Variants in UBAP2 observed in about 807,000 individuals in gnomAD.
UBAP2 encodes the protein ubiquitin associated protein 2, also known as ubiquitin-associated protein 2.
Under a neutral mutation model 139.6 loss-of-function variants are expected in UBAP2, and 75 were observed. The ratio of observed to expected loss-of-function variants is 0.54; its 90% CI spans 0.45 to 0.65. The LOEUF is 0.65. UBAP2 is among the 30% of genes least tolerant of loss of function. The probability of loss-of-function intolerance (pLI) is 0.00; values close to 1 mark genes in which losing one functional copy is unlikely to be tolerated. For synonymous variants in UBAP2, 526 were observed against 526.2 expected (o/e 1.00, Z 0.01); for missense variants, 1,368 against 1,369.6 (o/e 1.00, Z 0.02).
Position 33,941,799 on chromosome 9 carries a change from G to A in UBAP2, c.1779C>T (p.Ser593=), listed in dbSNP as rs577619019. 1.5e-5 allele frequency: 24 copies of A among 1,613,862 alleles called. No homozygotes were observed. Among genetic ancestry groups the A allele is most frequent in the Admixed American group, 8.3e-5 (5 of 59,978 alleles). Residue 593 remains serine, a synonymous_variant, in exon 16 of 29, where the codon TCC becomes TCT. Transcript: ENST00000379238. ...SAVQNSTYTT[S]VITSCSLTSS... ...TTGTCAGACTGCAGGAGGTAATGAC[G>A]GAAGTTGTATATGTGGAGTTCTGTA...
At chr9:33,985,085 C>T (rs28831731) in intron 6 of UBAP2, among the ~76,000 whole-genome samples, 1,833 of 152,136 alleles carry the variant, frequency 0.012, 38 homozygotes, top group African/African-American at 0.041. Context: ...ATTGAATTAC[C>T]GTATGATCCA....
chr9:33,923,147 A>G, intron 26 of UBAP2, 39 bp downstream of exon 26: 1 of 1,609,676 alleles, frequency 6.2e-7, no homozygotes, highest in Non-Finnish European at 8.5e-7. Flanking sequence ...GGAGCCCACC[A>G]CTCCAGGCCT....
chr9:34,045,624 C>T (rs1012264715), intron 1 of UBAP2, among the ~76,000 whole-genome samples: 10 of 152,026 alleles, frequency 6.6e-5, no homozygotes, highest in Admixed American at 1.3e-4. Flanking sequence ...CGCCCGCCTC[C>T]GCCTCCCAAA....
intron 19 of UBAP2, among the ~76,000 whole-genome samples, chr9:33,930,592 A>G (rs554998158): frequency 1.3e-5 from 2 of 152,144 alleles, no homozygotes; most frequent in Non-Finnish European, 2.9e-5. Context: ...TAACAAGAGA[A>G]AAAGAATAAA....
At chr9:33,996,431 C>G in intron 3 of UBAP2, 98 bp from the exon 4 acceptor site, 1 of 804,030 alleles carries the variant, frequency 1.2e-6, no homozygotes, top group Non-Finnish European at 2.1e-6. Context: ...AATCCTTCTA[C>G]ATGAAGATGG....
chr9:33,953,735 A>G (rs1826300750), intron 11 of UBAP2, among the ~76,000 whole-genome samples: 1 of 152,196 alleles, frequency 6.6e-6, no homozygotes. Context: ...CTAACACATT[A>G]TAAACTGATT....
At chr9:33,985,533 G>C (rs552379539) in intron 6 of UBAP2, among the ~76,000 whole-genome samples, 1 of 152,272 alleles carries the variant, frequency 6.6e-6, no homozygotes, top group South Asian at 2.1e-4. Flanking sequence ...AATGGACTTG[G>C]AAGACATTGT....
At chr9:33,989,603 CA>C (rs2131149246) in intron 4 of UBAP2, among the ~76,000 whole-genome samples, 1 of 152,310 alleles carries the variant, frequency 6.6e-6, no homozygotes, top group African/African-American at 2.4e-5. Flanking sequence ...ATGAAGGTAA[CA>C]ATCCTCTTGC....
In UBAP2 at chr9:34,017,178, A is replaced by G; in HGVS notation, c.-30T>C. The G allele has an allele frequency of 2.0e-6, 3 of 1,476,584 alleles. No homozygotes were observed. Among genetic ancestry groups the G allele is most frequent in the Non-Finnish European group, 2.7e-6 (3 of 1,093,042 alleles). 91.5% of individuals were successfully genotyped at this position (1,476,584 alleles called of 1,614,324 possible). A position where few individuals can be genotyped will look rare whatever the true frequency, so the allele number is the denominator to read the frequency against. ...AGTATATACAAAATAATGTATGTAC[A>G]AAATAGAAAATCTGCAAGAAAGTAG... On this transcript the variant is annotated 5_prime_UTR_variant, in exon 2 of 29. Coordinates refer to ENST00000379238, the MANE Select transcript of UBAP2 (RefSeq NM_001370062.2).
intron 1 of UBAP2, among the ~76,000 whole-genome samples, chr9:34,020,150 TAAAAA>T (rs1174976366): frequency 7.9e-6 from 1 of 127,078 alleles, no homozygotes; most frequent in Non-Finnish European, 1.7e-5. Flanking sequence ...ACTCCATTAT[TAAAAA>T]AAAAAAAAAA....
intron 16 of UBAP2, among the ~76,000 whole-genome samples, chr9:33,940,216 C>T (rs934538630): frequency 1.3e-5 from 2 of 152,090 alleles, no homozygotes; most frequent in Admixed American, 6.5e-5. Flanking sequence ...TCTAGAAAGG[C>T]TTCTTCCTAA....
chr9:34,001,789 A>T (rs1822724731), intron 2 of UBAP2, among the ~76,000 whole-genome samples: 1 of 152,126 alleles, frequency 6.6e-6, no homozygotes, highest in Admixed American at 6.6e-5. Context: ...GTACCATACC[A>T]GCAGATTCAG....
At chr9:34,014,692 G>C (rs1320789878) in intron 2 of UBAP2, among the ~76,000 whole-genome samples, 1 of 151,658 alleles carries the variant, frequency 6.6e-6, no homozygotes, top group Non-Finnish European at 1.5e-5. Flanking sequence ...CTACTTGGAA[G>C]GCTGAGGCAA....
chr9:33,960,967 G>GA (rs1187394095), intron 9 of UBAP2, 89 bp from the exon 10 acceptor site: 7 of 1,292,200 alleles, frequency 5.4e-6, no homozygotes, highest in Non-Finnish European at 6.7e-6. Flanking sequence ...ACTATGCGGG[G>GA]AAAAAAGATA....
chr9:33,983,075 T>A (rs1401160093), intron 6 of UBAP2, among the ~76,000 whole-genome samples: 1 of 152,054 alleles, frequency 6.6e-6, no homozygotes, highest in Admixed American at 6.5e-5. Context: ...AGACAGGGTT[T>A]CACTATGATG....
intron 4 of UBAP2, among the ~76,000 whole-genome samples, chr9:33,991,303 A>AAAT (rs60216977): frequency 6.0e-5 from 9 of 151,238 alleles, no homozygotes; most frequent in South Asian, 2.1e-4. Flanking sequence ...TCTGTATCAA[A>AAAT]AATAATAATA....
intron 16 of UBAP2, 78 bp downstream of exon 16, chr9:33,941,570 CA>C (rs1825204402): frequency 8.1e-7 from 1 of 1,227,076 alleles, no homozygotes; most frequent in Admixed American, 1.9e-5. Context: ...AAATCATATC[CA>C]AGAAGCATAA....
At chr9:33,968,121 T>C in intron 8 of UBAP2, 3 of 530,066 alleles carry the variant, frequency 5.7e-6, no homozygotes, top group Non-Finnish European at 1.1e-5. Context: ...ACTCTAGCCA[T>C]AAAAAAACTC....
intron 16 of UBAP2, among the ~76,000 whole-genome samples, chr9:33,936,318 G>T (rs1198255622): frequency 6.6e-6 from 1 of 151,818 alleles, no homozygotes; most frequent in Admixed American, 6.6e-5. Context: ...TTTTTGAGAT[G>T]GTGTCTTGCG....
Sources: allele counts gnomAD v4.1 joint callset (sites outside exome capture counted in the v4.1 genomes callset), GRCh38; gene constraint gnomAD v4.1.1; transcripts MANE v1.5; gene names NCBI Gene and HGNC (gene_info 2026-07-23, HGNC 2026-07-21).